Variants in COG3 observed in about 807,000 individuals in gnomAD.
COG3 encodes the protein conserved oligomeric Golgi complex subunit 3.
A neutral mutation model predicts 114.1 loss-of-function variants in COG3; 32 were observed. The ratio of observed to expected loss-of-function variants is 0.28; its 90% confidence interval spans 0.21 to 0.38. The LOEUF (loss-of-function observed/expected upper bound fraction) is 0.38. Among genes scored for constraint, COG3 ranks in the 10% least tolerant of loss-of-function variants. The pLI is 1.00. For synonymous variants in COG3, 352 were observed against 365.7 expected (o/e 0.96, Z 0.43); for missense variants, 813 against 973.2 (o/e 0.84, Z 2.19).
rs1022428317 is a variant in COG3, at chr13:45,481,118, T to TCTGA, written c.550-111_550-108dup. ...GAAATACTTGAGCTGAATTCTCATA[T>TCTGA]CTGATATAAACCTCTGTGTCTAATG... On this transcript the variant is annotated intron_variant, in intron 4 of 22. Transcript: ENST00000349995. 36 of 665,140 alleles carry TCTGA rather than the reference T, an allele frequency of 5.4e-5. No individual in the cohort carries two copies. The African/African-American group carries it at 5.9e-4, about 11-fold the overall frequency. The allele number at this position is 665,140 out of a possible 1,614,324, so 41.2% of individuals were successfully genotyped here. A position where few individuals can be genotyped will look rare whatever the true frequency, so the allele number is the denominator to read the frequency against.
chr13:45,513,932 A>G (rs924645892), intron 16 of COG3, among the ~76,000 whole-genome samples: 1 of 152,134 alleles, frequency 6.6e-6, no homozygotes, highest in Non-Finnish European at 1.5e-5. Context: ...GGTATTTAAG[A>G]TGCAAATCAG....
At chr13:45,509,635 T>C in intron 14 of COG3, 57 bp from the exon 15 acceptor site, 1 of 1,596,150 alleles carries the variant, frequency 6.3e-7, no homozygotes, top group South Asian at 1.1e-5. Context: ...ATGTAAATTA[T>C]TGTAAGACAA....
intron 6 of COG3, 80 bp from the exon 7 acceptor site, chr13:45,483,150 G>C: frequency 4.0e-6 from 4 of 991,100 alleles, no homozygotes; most frequent in Non-Finnish European, 6.0e-6. Flanking sequence ...CTTTACATAG[G>C]GACACCTTGG....
At chr13:45,482,581 ATATCAC>A (rs1886318533) in intron 6 of COG3, 108 bp downstream of exon 6, 1 of 544,910 alleles carries the variant, frequency 1.8e-6, no homozygotes, top group Non-Finnish European at 3.2e-6. Flanking sequence ...TGTTCCTATT[ATATCAC>A]TTCTTGTGCT....
At chr13:45,503,416 G>T in intron 14 of COG3, 67 bp downstream of exon 14, 2 of 865,472 alleles carry the variant, frequency 2.3e-6, no homozygotes. Flanking sequence ...CTGAGGACTT[G>T]TCCTGTCCCA....
chr13:45,521,105 G>A (rs1872083937), intron 19 of COG3, among the ~76,000 whole-genome samples: 1 of 152,146 alleles, frequency 6.6e-6, no homozygotes, highest in South Asian at 2.1e-4. Flanking sequence ...GGATGGCTGA[G>A]CCCAGTAGTT....
chr13:45,489,197 A>G (rs1886858607), intron 8 of COG3, among the ~76,000 whole-genome samples: 1 of 147,084 alleles, frequency 6.8e-6, no homozygotes, highest in Non-Finnish European at 1.5e-5. Context: ...AAAAAAAAAA[A>G]AAAAAAAAAA....
intron 3 of COG3, 58 bp from the exon 4 acceptor site, chr13:45,480,067 T>C (rs1316871100): frequency 5.6e-6 from 8 of 1,439,042 alleles, no homozygotes; most frequent in Non-Finnish European, 7.5e-6. Context: ...GTTGTTTTTT[T>C]ACTGTGCTTA....
intron 16 of COG3, among the ~76,000 whole-genome samples, chr13:45,515,122 A>G (rs186240759): frequency 1.3e-5 from 2 of 152,318 alleles, no homozygotes; most frequent in Admixed American, 1.3e-4. Flanking sequence ...AATCTATATG[A>G]TACAATTTTT....
Position 45,536,429 on chromosome 13 carries a change from C to G in COG3, c.*1698C>G, listed in dbSNP as rs1217725121. The G allele has an allele frequency of 2.0e-5, 3 of 152,128 alleles. No homozygotes were observed. Among genetic ancestry groups the G allele is most frequent in the Non-Finnish European group, 4.4e-5 (3 of 68,040 alleles). The allele number at this position is 152,128 out of a possible 1,614,324, so 9.4% of individuals were successfully genotyped here. ...ATTTCTGAAACACTCAAACACCTTA[C>G]AAAGTGCTGAGTAGGTAATAGTGAC... On this transcript the variant is annotated 3_prime_UTR_variant, in exon 23 of 23. Coordinates refer to ENST00000349995, the MANE Select transcript of COG3 (RefSeq NM_031431.4).
intron 1 of COG3, chr13:45,465,752 A>G (rs1182614750): frequency 2.0e-5 from 3 of 152,462 alleles, no homozygotes; most frequent in African/African-American, 7.2e-5. Flanking sequence ...ATCAAGTGCA[A>G]GTTATGGGAG....
rs191578320 is a variant in COG3, at chr13:45,501,180, C to G, written c.1489-2064C>G. On this transcript the variant is annotated intron_variant, in intron 13 of 22. Transcript: ENST00000349995. The stretch of plus-strand genomic sequence containing the variant: ...CACACTGTACTCTTTGGAAGGAAGT[C>G]CCATGTGTAACCCATGCTCAAGGAG... Among the ~76,000 whole-genome samples, 265 of 152,354 alleles carry G rather than the reference C, an allele frequency of 1.7e-3. 1 individual carries two copies. The highest frequency in any genetic ancestry group is 3.1e-3 in the Non-Finnish European group (212 of 68,032).
intron 14 of COG3, among the ~76,000 whole-genome samples, chr13:45,506,962 G>A (rs1870220957): frequency 6.6e-6 from 1 of 152,232 alleles, no homozygotes; most frequent in Non-Finnish European, 1.5e-5. Context: ...AAGTAAGGGG[G>A]AGGTGAGGCC....
chr13:45,534,865 G>T lies in COG3; in HGVS notation c.*134G>T. ...CCACACGAGCGTGCTGCTCAGTGCT[G>T]ACTGCAGAATGAAATAGAAGCAAAG... On this transcript the variant is annotated 3_prime_UTR_variant, in exon 23 of 23. Transcript: ENST00000349995. 1 of 1,314,578 alleles carries T rather than the reference G, an allele frequency of 7.6e-7. No homozygotes were observed. Among genetic ancestry groups the T allele is most frequent in the South Asian group, 2.4e-5 (1 of 42,264 alleles). 81.4% of individuals were successfully genotyped at this position (1,314,578 alleles called of 1,614,324 possible).
chr13:45,497,812 CAACAACA>C (rs530435026), intron 13 of COG3, among the ~76,000 whole-genome samples: 4,731 of 151,740 alleles, frequency 0.031, 223 homozygotes, highest in African/African-American at 0.1. Context: ...ACAACAACAA[CAACAACA>C]AAGTATGACC....
intron 13 of COG3, among the ~76,000 whole-genome samples, chr13:45,499,749 C>T (rs563717329): frequency 8.5e-5 from 13 of 152,256 alleles, no homozygotes; most frequent in Non-Finnish European, 1.2e-4. Context: ...TGGCCAGGCA[C>T]GGTGGCTTGC....
chr13:45,469,267 GT>G (rs1885329838), intron 1 of COG3, among the ~76,000 whole-genome samples: 1 of 152,146 alleles, frequency 6.6e-6, no homozygotes, highest in Non-Finnish European at 1.5e-5. Flanking sequence ...ATCTATAGTA[GT>G]TTCTCAAGTA....
At chr13:45,505,225 A>C (rs995106178) in intron 14 of COG3, among the ~76,000 whole-genome samples, 1 of 151,900 alleles carries the variant, frequency 6.6e-6, no homozygotes, top group African/African-American at 2.4e-5. Context: ...CTTATTAGTA[A>C]TTTTTATATT....
In COG3 at chr13:45,530,857, C is replaced by A. The variant is rs1207245116; in HGVS notation, c.2457+77C>A. On this transcript the variant is annotated intron_variant, in intron 22 of 22. Coordinates refer to ENST00000349995, the MANE Select transcript of COG3 (RefSeq NM_031431.4). ...CACCTGAGTAGATAATGTCTTTGAG[C>A]AAACATATTTTTAGTATTAATTTAA... 22 of 1,455,760 alleles carry A rather than the reference C, an allele frequency of 1.5e-5. No homozygotes were observed. The East Asian group carries it at 4.4e-4, about 29-fold the overall frequency. The allele number at this position is 1,455,760 out of a possible 1,614,324, so 90.2% of individuals were successfully genotyped here. A position where few individuals can be genotyped will look rare whatever the true frequency, so the allele number is the denominator to read the frequency against.
Sources: gnomAD v4.1 joint callset for allele counts (sites outside exome capture counted in the v4.1 genomes callset) on GRCh38, gnomAD v4.1.1 for gene constraint, MANE v1.5 for transcripts, NCBI Gene and HGNC (gene_info 2026-07-23, HGNC 2026-07-21) for gene names.